IL1RAPL1: variants seen among roughly 807,000 people sequenced by gnomAD.
IL1RAPL1 encodes the protein interleukin 1 receptor accessory protein like 1, also known as interleukin-1 receptor accessory protein-like 1.
Under a neutral mutation model 48.4 loss-of-function variants are expected in IL1RAPL1, and 3 were observed. That is an observed-to-expected ratio of 0.06 (90% CI 0.03 to 0.16). The LOEUF (loss-of-function observed/expected upper bound fraction) is 0.16, where lower values mean the gene tolerates loss of function less well. Among genes scored for constraint, IL1RAPL1 ranks in the 10% least tolerant of loss-of-function variants. IL1RAPL1 has a pLI of 1.00. For missense variants in IL1RAPL1, 349 were observed against 530.6 expected, an observed-to-expected ratio of 0.66 and a Z score of 3.36; for synonymous variants, 185 against 187.7, an observed-to-expected ratio of 0.99 and a Z score of 0.12.
Position 29,773,757 on chromosome X carries a change from ATG to A in IL1RAPL1, c.778+105269_778+105270del, listed in dbSNP as rs760237537. Among the ~76,000 whole-genome samples, 14 of 110,167 alleles carry A rather than the reference ATG, an allele frequency of 1.3e-4. No homozygotes were observed. In the South Asian group the frequency reaches 3.1e-3, roughly 24 times the overall value. ...CTGTAAATGTGTTGGGTGGGTGTGT[ATG>A]TGTGTGTGTGTGTGTTCATGTGCAT... On this transcript the variant is annotated intron_variant, in intron 6 of 10. Coordinates refer to ENST00000378993, the MANE Select transcript of IL1RAPL1 (RefSeq NM_014271.4).
At chrX:29,089,252 A>T (rs1201255207) in intron 2 of IL1RAPL1, among the ~76,000 whole-genome samples, 1 of 111,232 alleles carries the variant, frequency 9.0e-6, no homozygotes, top group Non-Finnish European at 1.9e-5. Context: ...TTGAGATATG[A>T]TTGATGAATA....
At chrX:29,880,505 G>A (rs1932003738) in intron 6 of IL1RAPL1, among the ~76,000 whole-genome samples, 2 of 111,722 alleles carry the variant, frequency 1.8e-5, no homozygotes, top group African/African-American at 6.5e-5. Flanking sequence ...AGGTATTCAA[G>A]TAGATACTGA....
chrX:28,664,406 T>G (rs1440520223), intron 1 of IL1RAPL1, among the ~76,000 whole-genome samples: 1 of 112,223 alleles, frequency 8.9e-6, no homozygotes, highest in Non-Finnish European at 1.9e-5. Context: ...ATTCAGAGAA[T>G]AAGATTTTAT....
chrX:29,043,288 T>C (rs1049548554), intron 2 of IL1RAPL1, among the ~76,000 whole-genome samples: 1 of 111,453 alleles, frequency 9.0e-6, no homozygotes. Flanking sequence ...TTGCCCCCTT[T>C]TGAAAATCCA....
chrX:29,817,874 A>C (rs149822559), intron 6 of IL1RAPL1, among the ~76,000 whole-genome samples: 115 of 111,849 alleles, frequency 1.0e-3, no homozygotes, highest in African/African-American at 3.6e-3. Context: ...GATGGCTTAC[A>C]GCAGTCCCAG....
At chrX:28,714,682 A>G (rs1290717769) in intron 1 of IL1RAPL1, among the ~76,000 whole-genome samples, 1 of 111,838 alleles carries the variant, frequency 8.9e-6, no homozygotes, top group Non-Finnish European at 1.9e-5. Flanking sequence ...GAAAGTAGAA[A>G]ATTTAGGAAG....
chrX:29,878,442 G>T (rs1931955379), intron 6 of IL1RAPL1, among the ~76,000 whole-genome samples: 1 of 111,604 alleles, frequency 9.0e-6, no homozygotes, highest in Non-Finnish European at 1.9e-5. Context: ...AACCTCATTT[G>T]CGTGGTAGAT....
At chrX:29,252,871 A>G (rs1190778304) in intron 2 of IL1RAPL1, among the ~76,000 whole-genome samples, 1 of 111,388 alleles carries the variant, frequency 9.0e-6, no homozygotes, top group Non-Finnish European at 1.9e-5. Flanking sequence ...CCACTCTTTT[A>G]TAAGTAATTG....
intron 1 of IL1RAPL1, among the ~76,000 whole-genome samples, chrX:28,668,486 C>T (rs1296915273): frequency 1.8e-5 from 2 of 113,204 alleles, no homozygotes; most frequent in Non-Finnish European, 3.7e-5. Flanking sequence ...TCTCGAACTC[C>T]TGACCTCTGC....
intron 1 of IL1RAPL1, among the ~76,000 whole-genome samples, chrX:28,627,852 C>T (rs1489946604): frequency 9.0e-6 from 1 of 110,815 alleles, no homozygotes; most frequent in Non-Finnish European, 1.9e-5. Flanking sequence ...TGGGTCACAT[C>T]ATTTTCTTTC....
intron 1 of IL1RAPL1, among the ~76,000 whole-genome samples, chrX:28,719,563 A>G (rs1935545175): frequency 9.0e-6 from 1 of 110,583 alleles, no homozygotes; most frequent in Non-Finnish European, 1.9e-5. Context: ...TTTTTGTGAC[A>G]TAAATATTAT....
chrX:28,659,131 A>C (rs1272115984), intron 1 of IL1RAPL1: 1 of 666,943 alleles, frequency 1.5e-6, no homozygotes, highest in East Asian at 3.2e-5. Flanking sequence ...CACGTTTGGC[A>C]TGGATAGCAC....
At chrX:29,951,209 G>A (rs1163106221) in intron 9 of IL1RAPL1, among the ~76,000 whole-genome samples, 3 of 111,814 alleles carry the variant, frequency 2.7e-5, no homozygotes, top group African/African-American at 9.7e-5. Context: ...AAGGCCATTC[G>A]TTCATTTCAT....
At chrX:29,093,100 A>G (rs959700894) in intron 2 of IL1RAPL1, among the ~76,000 whole-genome samples, 3 of 112,155 alleles carry the variant, frequency 2.7e-5, no homozygotes, top group Non-Finnish European at 5.6e-5. Flanking sequence ...TATGACTGCC[A>G]AACAAGATCA....
intron 6 of IL1RAPL1, among the ~76,000 whole-genome samples, chrX:29,670,599 G>A (rs143261744): frequency 0.011 from 1,201 of 111,917 alleles, 13 homozygotes; most frequent in African/African-American, 0.036. Flanking sequence ...TACTTTGCTA[G>A]CATTGCTAGT....
intron 2 of IL1RAPL1, among the ~76,000 whole-genome samples, chrX:28,866,529 TAATAAATA>T (rs56238119): frequency 6.1e-4 from 66 of 108,612 alleles, no homozygotes; most frequent in Middle Eastern, 4.7e-3. Context: ...ACTATGGAAA[TAATAAATA>T]AATAAATAAA....
At chrX:28,865,378 A>T (rs5985807) in intron 2 of IL1RAPL1, among the ~76,000 whole-genome samples, 1 of 106,384 alleles carries the variant, frequency 9.4e-6, no homozygotes, top group Non-Finnish European at 1.9e-5. Context: ...GGCAGAGGTC[A>T]CAGTGAGCCG....
intron 6 of IL1RAPL1, among the ~76,000 whole-genome samples, chrX:29,811,109 C>T (rs1279175535): frequency 1.8e-5 from 2 of 110,106 alleles, no homozygotes; most frequent in Non-Finnish European, 3.8e-5. Context: ...TTAGGAAATA[C>T]AGTCTAACGT....
At chrX:29,850,591 G>A (rs1296167894) in intron 6 of IL1RAPL1, among the ~76,000 whole-genome samples, 1 of 112,532 alleles carries the variant, frequency 8.9e-6, no homozygotes, top group African/African-American at 3.2e-5. Context: ...GAGCCCGTAA[G>A]GCTCGGTGTG....
Sources: allele counts gnomAD v4.1 joint callset (sites outside exome capture counted in the v4.1 genomes callset), GRCh38; gene constraint gnomAD v4.1.1; transcripts MANE v1.5; gene names NCBI Gene and HGNC (gene_info 2026-07-23, HGNC 2026-07-21).